AGO1: variants seen among roughly 807,000 people sequenced by gnomAD.
AGO1 encodes protein argonaute-1.
In AGO1, 11 loss-of-function variants were observed where a neutral mutation model predicts 109.2. That is an observed-to-expected ratio of 0.10 (90% CI 0.06 to 0.17). AGO1 has a LOEUF of 0.17. AGO1 is among the 10% of genes least tolerant of loss of function. The pLI is 1.00. For missense variants in AGO1, 574 were observed against 1,140.3 expected, an observed-to-expected ratio of 0.50 and a Z score of 7.15; for synonymous variants, 422 against 418.6, an observed-to-expected ratio of 1.01 and a Z score of -0.10.
At chr1:35,905,523 A>G (rs1316380369) in intron 11 of AGO1, among the ~76,000 whole-genome samples, 4 of 151,910 alleles carry the variant, frequency 2.6e-5, no homozygotes, top group Admixed American at 6.6e-5. Flanking sequence ...GCTGGAGTGC[A>G]GTGGCGCAAT....
In AGO1 at chr1:35,893,208, G is replaced by A. The variant is rs780052272; in HGVS notation, c.442G>A (p.Gly148Ser). 2.5e-6 allele frequency: 4 copies of A among 1,614,074 alleles called. No individual in the cohort carries two copies. The highest frequency in any genetic ancestry group is 2.2e-5 in the South Asian group (2 of 91,078). Reference protein sequence around the residue: ...WRMLHEALVSGQIPVPLESVQ... With the variant: ...WRMLHEALVSSQIPVPLESVQ... ...AATGCTGCATGAGGCCCTGGTCAGCGGCCAGATCCCTGTTCCCTTGGAGTC... is the reference window on the plus strand; with the variant it reads ...AATGCTGCATGAGGCCCTGGTCAGCAGCCAGATCCCTGTTCCCTTGGAGTC... Residue 148 changes from glycine to serine, a missense_variant, in exon 4 of 19, where the codon GGC becomes AGC. Gly to Ser is a moderately conservative substitution (Grantham distance 56). This residue lies in a region of AGO1 where 129 missense variants were observed against 243.0 expected (regional missense o/e 0.53). Coordinates refer to ENST00000373204, the MANE Select transcript of AGO1 (RefSeq NM_012199.5). This position sits in a 1 kb window ranked among gnomAD's most constrained non-coding sequence, Gnocchi z 5.6.
intron 2 of AGO1, among the ~76,000 whole-genome samples, chr1:35,891,185 T>C (rs1476250068): frequency 6.6e-6 from 1 of 152,220 alleles, no homozygotes; most frequent in African/African-American, 2.4e-5. Flanking sequence ...CTAATTGGGA[T>C]TGAAACCATA....
At chr1:35,898,619 C>T (rs1313872811) in intron 8 of AGO1, among the ~76,000 whole-genome samples, 1 of 152,120 alleles carries the variant, frequency 6.6e-6, no homozygotes, top group Non-Finnish European at 1.5e-5. Flanking sequence ...TTTACAATCC[C>T]ATCAGCAAAG....
chr1:35,872,700 A>G (rs1195827493), intron 1 of AGO1, among the ~76,000 whole-genome samples: 1 of 151,874 alleles, frequency 6.6e-6, no homozygotes, highest in African/African-American at 2.4e-5. Flanking sequence ...GTCACCCGAG[A>G]AGCTAGGACT....
In AGO1 at chr1:35,915,527, A is replaced by T; in HGVS notation, c.2013A>T (p.Glu671Asp). The change falls in exon 15 of 19, where the codon GAA becomes GAT. Residue 671 changes from glutamate to aspartate, a missense_variant. By Grantham distance (45) the Glu-to-Asp change is conservative. Coordinates refer to ENST00000373204, the MANE Select transcript of AGO1 (RefSeq NM_012199.5). The part of the protein sequence containing the change: ...RIIFYRDGVP[E>D]GQLPQILHYE... ...TCTTCTACCGAGATGGGGTGCCTGAAGGCCAGCTACCCCAGGTAGGGCCCA... is the reference window on the plus strand; with the variant it reads ...TCTTCTACCGAGATGGGGTGCCTGATGGCCAGCTACCCCAGGTAGGGCCCA... 2 of 1,614,108 alleles carry T rather than the reference A, an allele frequency of 1.2e-6. No homozygotes were observed. The highest frequency in any genetic ancestry group is 1.7e-6 in the Non-Finnish European group (2 of 1,180,006).
At chr1:35,879,373 G>A (rs1645016683), upstream of AGO1, among the ~76,000 whole-genome samples, 3 of 152,016 alleles carry the variant, frequency 2.0e-5, no homozygotes, top group Non-Finnish European at 2.9e-5. Flanking sequence ...GCTTGAACCC[G>A]GGAGGTGGAA....
In AGO1 at chr1:35,913,888, G is replaced by A; in HGVS notation, c.1629G>A (p.Gln543=). ...ATACACTCTTGGGAATGGCTACGCA[G>A]TGTGTGCAGGTGAAGAACGTGGTCA... ...VGDTLLGMAT[Q]CVQVKNVVKT... Residue 543 remains glutamine (Q), a synonymous_variant, in exon 13 of 19, where the codon CAG becomes CAA. Transcript: ENST00000373204. 6.2e-7 allele frequency: 1 copy of A among 1,614,114 alleles called. No individual in the cohort carries two copies. The highest frequency in any genetic ancestry group is 8.5e-7 in the Non-Finnish European group (1 of 1,180,034).
chr1:35,875,445 G>A (rs112393685), intron 1 of AGO1, among the ~76,000 whole-genome samples: 1 of 151,770 alleles, frequency 6.6e-6, no homozygotes, highest in African/African-American at 2.4e-5. Flanking sequence ...ACAAAGTCTC[G>A]CTTTGTCGCC....
rs748984548 is a variant in AGO1 at position 35,917,610 on chromosome 1, A to G, written c.2046A>G (p.Leu682=). 1 of 1,613,210 alleles carries G rather than the reference A, an allele frequency of 6.2e-7. No individual in the cohort carries two copies. Among genetic ancestry groups the G allele is most frequent in the South Asian group, 1.1e-5 (1 of 91,006 alleles). ...GQLPQILHYE[L]LAIRDACIKL... is the part of the protein sequence containing the mutation. Reference sequence around the variant, plus strand: ...GTGCCTAGATACTCCACTATGAGCTACTGGCCATTCGTGATGCCTGCATCA... The same window carrying G: ...GTGCCTAGATACTCCACTATGAGCTGCTGGCCATTCGTGATGCCTGCATCA... The change falls in exon 16 of 19, where the codon CTA becomes CTG. Residue 682 remains leucine (L), a synonymous_variant. Coordinates refer to ENST00000373204, the MANE Select transcript of AGO1 (RefSeq NM_012199.5).
At chr1:35,895,903 A>C (rs1645308311) in intron 8 of AGO1, among the ~76,000 whole-genome samples, 1 of 152,232 alleles carries the variant, frequency 6.6e-6, no homozygotes, top group South Asian at 2.1e-4. Context: ...GTCCAATGCT[A>C]CTCAAAAAGT....
At chr1:35,917,454 A>G in intron 15 of AGO1, 139 bp from the exon 16 acceptor site, 1 of 963,704 alleles carries the variant, frequency 1.0e-6, no homozygotes, top group South Asian at 2.1e-5. Flanking sequence ...TGTCATCTCT[A>G]ATTGTTGAGC....
chr1:35,878,954 C>T (rs1645013330), upstream of AGO1, among the ~76,000 whole-genome samples: 1 of 151,488 alleles, frequency 6.6e-6, no homozygotes, highest in Non-Finnish European at 1.5e-5. Flanking sequence ...TTTTCTCAGG[C>T]CATTCTTATT....
intron 7 of AGO1, 54 bp downstream of exon 7, chr1:35,894,456 T>C (rs1300306018): frequency 6.4e-7 from 1 of 1,561,868 alleles, no homozygotes; most frequent in African/African-American, 1.4e-5. Context: ...GGGCTGAGAT[T>C]TAAAACTATC....
At chr1:35,903,549 G>A (rs1229221794) in intron 11 of AGO1, among the ~76,000 whole-genome samples, 2 of 152,210 alleles carry the variant, frequency 1.3e-5, no homozygotes, top group African/African-American at 4.8e-5. Context: ...GCTGACCTTG[G>A]AGTCATCATG....
chr1:35,911,775 A>T (rs958083684), intron 12 of AGO1, among the ~76,000 whole-genome samples: 1 of 151,374 alleles, frequency 6.6e-6, no homozygotes, highest in Non-Finnish European at 1.5e-5. Context: ...CTATACACTA[A>T]TTTTTTTTTA....
chr1:35,891,166 C>T (rs1235776527), intron 2 of AGO1, among the ~76,000 whole-genome samples: 2 of 152,196 alleles, frequency 1.3e-5, no homozygotes, highest in Non-Finnish European at 2.9e-5. Flanking sequence ...TGCTAGGCAG[C>T]ACTGAAGCCT....
chr1:35,903,440 T>A (rs1414047150), intron 11 of AGO1, among the ~76,000 whole-genome samples: 1 of 152,164 alleles, frequency 6.6e-6, no homozygotes, highest in African/African-American at 2.4e-5. Context: ...TCTCTGAATC[T>A]GGAGTGGGGT....
At position 35,892,663 on chromosome 1, in the gene AGO1, A is replaced by G. The variant is rs1645243206; in HGVS notation, c.316A>G (p.Ile106Val). The G allele has an allele frequency of 1.2e-6, 2 of 1,614,230 alleles. No homozygotes were observed. Among genetic ancestry groups the G allele is most frequent in the East Asian group, 2.2e-5 (1 of 44,886 alleles). ...KNIYTVTALP[I>V]GNERVDFEVT... ...CATTTACACTGTCACAGCACTGCCC[A>G]TTGGCAACGAACGGGTAAGGTTGGG... Residue 106 changes from isoleucine (I) to valine (V), a missense_variant, in exon 3 of 19, where the codon ATT becomes GTT. Coordinates refer to ENST00000373204, the MANE Select transcript of AGO1 (RefSeq NM_012199.5).
In AGO1 at chr1:35,888,552, G is replaced by A. The variant is rs773153331; in HGVS notation, c.151G>A (p.Asp51Asn). Residue 51 changes from aspartate (D) to asparagine (N), a missense_variant, in exon 2 of 19, where the codon GAC becomes AAC. Physicochemically the swap from Asp to Asn is conservative, Grantham distance 23. This residue lies in a region of AGO1 where 89 missense variants were observed against 109.6 expected (regional missense o/e 0.81). Transcript: ENST00000373204. The surrounding 1 kb of genome is among the most constrained non-coding windows in gnomAD (Gnocchi z 4.1). The stretch of plus-strand genomic sequence containing the variant: ...CTTTGAGGTGGACATCCCTAAGATC[G>A]ACGTGTACCACTACGAGGTGGACAT... ...NYFEVDIPKIDVYHYEVDIKP... is the reference protein window; with the variant it reads ...NYFEVDIPKINVYHYEVDIKP... 2.5e-6 allele frequency: 4 copies of A among 1,614,210 alleles called. No individual in the cohort carries two copies. Among genetic ancestry groups the A allele is most frequent in the East Asian group, 2.2e-5 (1 of 44,892 alleles).
Sources: gnomAD v4.1 joint callset for allele counts (sites outside exome capture counted in the v4.1 genomes callset) on GRCh38, gnomAD v4.1.1 for gene constraint, gnomAD v4.1.1 regional missense constraint, Gnocchi (gnomAD v3.1) non-coding constraint, MANE v1.5 for transcripts, NCBI Gene and HGNC (gene_info 2026-07-23, HGNC 2026-07-21) for gene names.